SPATA6: variants seen among roughly 807,000 people sequenced by gnomAD.
SPATA6 encodes the protein spermatogenesis associated 6, also known as spermatogenesis-associated protein 6.
Under a neutral mutation model 65.3 loss-of-function variants are expected in SPATA6, and 56 were observed. The observed-to-expected ratio is 0.86, with a 90% confidence interval of 0.69 to 1.07. The LOEUF (loss-of-function observed/expected upper bound fraction) is 1.07, where lower values mean the gene tolerates loss of function less well. SPATA6 is among the 50% of genes least tolerant of loss of function. The pLI is 0.00. For synonymous variants in SPATA6, 199 were observed against 213.2 expected, an observed-to-expected ratio of 0.93 and a Z score of 0.58; for missense variants, 590 against 594.8, an observed-to-expected ratio of 0.99 and a Z score of 0.08.
chr1:48,265,326 A>C, the SPATA6 span, among the ~76,000 whole-genome samples: 2 of 151,550 alleles, frequency 1.3e-5, no homozygotes, highest in Admixed American at 1.3e-4. Context: ...GCTTCATTAT[A>C]AGCAAATATC....
intron 10 of SPATA6, among the ~76,000 whole-genome samples, chr1:48,357,092 G>A (rs1416424491): frequency 6.6e-6 from 1 of 152,134 alleles, no homozygotes; most frequent in Admixed American, 6.6e-5. Context: ...AGTCTGTGCT[G>A]TGGAATAAGG....
the SPATA6 span, among the ~76,000 whole-genome samples, chr1:48,276,612 G>C: frequency 1.3e-5 from 2 of 152,136 alleles, no homozygotes; most frequent in African/African-American, 4.8e-5. Context: ...TTCAGGAGTA[G>C]GTTTTTCAGT....
At chr1:48,426,199 G>A (rs1023193283) in intron 3 of SPATA6, among the ~76,000 whole-genome samples, 3 of 152,122 alleles carry the variant, frequency 2.0e-5, no homozygotes, top group African/African-American at 7.2e-5. Context: ...AAGGAAGAGT[G>A]TATCTAAAGG....
chr1:48,420,617 G>T (rs1206834195), intron 3 of SPATA6, among the ~76,000 whole-genome samples: 4 of 152,152 alleles, frequency 2.6e-5, no homozygotes, highest in Non-Finnish European at 1.5e-5. Flanking sequence ...GGTCACAGAA[G>T]TCTTCTTCTG....
At chr1:48,331,758 C>T (rs1645922665) in intron 11 of SPATA6, among the ~76,000 whole-genome samples, 1 of 152,036 alleles carries the variant, frequency 6.6e-6, no homozygotes, top group Middle Eastern at 3.2e-3. Context: ...AGATCATCCC[C>T]AAGACATAAT....
chr1:48,274,310 T>C, the SPATA6 span, among the ~76,000 whole-genome samples: 170 of 152,348 alleles, frequency 1.1e-3, 1 homozygote, highest in Middle Eastern at 3.4e-3. Flanking sequence ...ACTCTGATGA[T>C]AGTTTCTTTT....
At chr1:48,276,309 T>C in the SPATA6 span, among the ~76,000 whole-genome samples, 3 of 152,188 alleles carry the variant, frequency 2.0e-5, no homozygotes, top group Non-Finnish European at 4.4e-5. Flanking sequence ...ATTCATTTTT[T>C]TGAAGGGTTT....
At chr1:48,449,747 T>G (rs930083742) in intron 3 of SPATA6, among the ~76,000 whole-genome samples, 3 of 152,230 alleles carry the variant, frequency 2.0e-5, no homozygotes, top group Non-Finnish European at 4.4e-5. Context: ...CTGTTTGATC[T>G]TATTAAGAAA....
intron 11 of SPATA6, among the ~76,000 whole-genome samples, chr1:48,328,205 G>A (rs973694812): frequency 6.6e-6 from 1 of 152,026 alleles, no homozygotes; most frequent in Admixed American, 6.6e-5. Flanking sequence ...AAAAAGTTCA[G>A]CAAGGATGCC....
chr1:48,371,847 C>G (rs570569090), intron 9 of SPATA6, among the ~76,000 whole-genome samples: 3 of 152,130 alleles, frequency 2.0e-5, no homozygotes, highest in South Asian at 4.2e-4. Flanking sequence ...AGGGTGGTGG[C>G]AAGAGAGAAT....
At chr1:48,345,011 A>T (rs1646324141) in intron 11 of SPATA6, among the ~76,000 whole-genome samples, 1 of 152,170 alleles carries the variant, frequency 6.6e-6, no homozygotes, top group South Asian at 2.1e-4. Context: ...TCAGTTCTGG[A>T]TCAAATGGAC....
At chr1:48,422,354 A>C (rs572672787) in intron 3 of SPATA6, among the ~76,000 whole-genome samples, 1 of 152,224 alleles carries the variant, frequency 6.6e-6, no homozygotes, top group Non-Finnish European at 1.5e-5. Context: ...TTTCTCCCTA[A>C]GAGCATCTGC....
chr1:48,405,615 TG>T (rs779343148), intron 5 of SPATA6, among the ~76,000 whole-genome samples: 1 of 152,094 alleles, frequency 6.6e-6, no homozygotes, highest in African/African-American at 2.4e-5. Context: ...GGCTACTGAG[TG>T]TTCTCATGAT....
chr1:48,348,263 G>T (rs1195748341), intron 11 of SPATA6, among the ~76,000 whole-genome samples: 1 of 152,006 alleles, frequency 6.6e-6, no homozygotes, highest in African/African-American at 2.4e-5. Flanking sequence ...TCTACTTCCT[G>T]TAGGGGGTAC....
chr1:48,460,740 G>A (rs1364136674), intron 1 of SPATA6, among the ~76,000 whole-genome samples: 2 of 59,372 alleles, frequency 3.4e-5, no homozygotes, highest in Admixed American at 2.0e-4. Context: ...AATATATACC[G>A]GTAAGAATGA....
the SPATA6 span, among the ~76,000 whole-genome samples, chr1:48,288,645 C>G: frequency 6.6e-6 from 1 of 152,204 alleles, no homozygotes; most frequent in Non-Finnish European, 1.5e-5. Flanking sequence ...TCACTCCCAC[C>G]CTAAGACTGT....
intron 9 of SPATA6, among the ~76,000 whole-genome samples, chr1:48,381,579 T>C (rs189999250): frequency 9.3e-5 from 14 of 150,620 alleles, no homozygotes; most frequent in Admixed American, 1.3e-4. Flanking sequence ...TAGCACAAAA[T>C]CGTTTAAGAA....
At chr1:48,278,545 C>T in the SPATA6 span, among the ~76,000 whole-genome samples, 1 of 152,130 alleles carries the variant, frequency 6.6e-6, no homozygotes, top group Admixed American at 6.5e-5. Context: ...GCAGAAGCCT[C>T]AGGAGCTGAT....
chr1:48,337,108 G>A (rs1051334270), intron 11 of SPATA6, among the ~76,000 whole-genome samples: 2 of 151,862 alleles, frequency 1.3e-5, no homozygotes, highest in African/African-American at 4.8e-5. Flanking sequence ...GAAACTTGCA[G>A]ACCAATCACT....
Sources: gnomAD v4.1 joint callset for allele counts (sites outside exome capture counted in the v4.1 genomes callset) on GRCh38, gnomAD v4.1.1 for gene constraint, MANE v1.5 for transcripts, NCBI Gene and HGNC (gene_info 2026-07-23, HGNC 2026-07-21) for gene names.